The following FARP1 variants were observed in gnomAD, a reference collection of about 807,000 sequenced individuals.
The protein encoded by FARP1 is FERM, ARHGEF and pleckstrin domain-containing protein 1.
A neutral mutation model predicts 128.8 loss-of-function variants in FARP1; 52 were observed. That is an observed-to-expected ratio of 0.40 (90% CI 0.32 to 0.51). The LOEUF is 0.51. Ranked by LOEUF, FARP1 falls within the 20% of genes least tolerant of loss-of-function variation. FARP1 has a pLI of 0.45. For synonymous variants in FARP1, 580 were observed against 551.8 expected, an observed-to-expected ratio of 1.05 and a Z score of -0.72; for missense variants, 1,333 against 1,367.9, an observed-to-expected ratio of 0.97 and a Z score of 0.40.
At chr13:98,423,946 T>C (rs917448402) in intron 16 of FARP1, among the ~76,000 whole-genome samples, 4 of 152,192 alleles carry the variant, frequency 2.6e-5, no homozygotes, top group South Asian at 2.1e-4. Flanking sequence ...TGGGGGACCA[T>C]GGCCCTCCCC....
chr13:98,403,022 C>T (rs1890833809), intron 13 of FARP1: 1 of 151,276 alleles, frequency 6.6e-6, no homozygotes, highest in African/African-American at 2.4e-5. Flanking sequence ...TTTCAGCGTT[C>T]TGTCTTTACC....
At chr13:98,265,513 G>T (rs1409012264) in intron 2 of FARP1, among the ~76,000 whole-genome samples, 3 of 150,736 alleles carry the variant, frequency 2.0e-5, no homozygotes, top group African/African-American at 7.4e-5. Context: ...TAGAGACGGG[G>T]TTTCACCGTT....
chr13:98,425,855 C>T (rs1303665140), intron 17 of FARP1, among the ~76,000 whole-genome samples: 1 of 152,112 alleles, frequency 6.6e-6, no homozygotes, highest in African/African-American at 2.4e-5. Context: ...CATTTGAATC[C>T]ATTAATAATT....
chr13:98,228,299 G>C (rs1419826065), intron 2 of FARP1, among the ~76,000 whole-genome samples: 1 of 152,210 alleles, frequency 6.6e-6, no homozygotes, highest in African/African-American at 2.4e-5. Context: ...GGCGGAGGCT[G>C]CCGTGAGCCA....
chr13:98,444,285 A>G (rs1892683300), intron 24 of FARP1, among the ~76,000 whole-genome samples: 1 of 152,252 alleles, frequency 6.6e-6, no homozygotes, highest in East Asian at 1.9e-4. Context: ...CCCTGTGTCC[A>G]TGTGAGGTCA....
chr13:98,421,618 G>C (rs79124537), intron 16 of FARP1, among the ~76,000 whole-genome samples: 9,391 of 152,258 alleles, frequency 0.062, 693 homozygotes, highest in East Asian at 0.3. Context: ...AGCACTTTGA[G>C]AGACTGAGGC....
intron 13 of FARP1, chr13:98,407,590 T>TA (rs1373739247): frequency 6.6e-6 from 1 of 152,174 alleles, no homozygotes; most frequent in Non-Finnish European, 1.5e-5. Context: ...TGAGGTATAT[T>TA]AAAAAACATG....
intron 1 of FARP1, among the ~76,000 whole-genome samples, chr13:98,195,337 A>G (rs1184456969): frequency 6.6e-6 from 1 of 152,148 alleles, no homozygotes; most frequent in Non-Finnish European, 1.5e-5. Context: ...TTACATGGGA[A>G]CTGAGCATTT....
intron 3 of FARP1, among the ~76,000 whole-genome samples, chr13:98,344,531 AG>A (rs1452220930): frequency 6.6e-6 from 1 of 152,206 alleles, no homozygotes; most frequent in Non-Finnish European, 1.5e-5. Flanking sequence ...GACATCCAGC[AG>A]GCAGTGCCAG....
At position 98,390,954 on chromosome 13, in the gene FARP1, A is replaced by G. The variant is rs145054718; in HGVS notation, c.1088+74A>G. On this transcript the variant is annotated intron_variant, in intron 11 of 26. Transcript: ENST00000319562. ...CCAGGTAACAGTTTGTTGCTGCTAA[A>G]TATTTCTTTACCCAGACTTCAGACT... 269 of 1,014,342 alleles carry G rather than the reference A, an allele frequency of 2.7e-4. 1 individual carries two copies. The African/African-American group carries it at 3.8e-3, about 14-fold the overall frequency. The allele number at this position is 1,014,342 out of a possible 1,614,324, so 62.8% of individuals were successfully genotyped here.
At chr13:98,325,346 C>T (rs888987892) in intron 2 of FARP1, among the ~76,000 whole-genome samples, 19 of 152,160 alleles carry the variant, frequency 1.2e-4, no homozygotes, top group East Asian at 1.9e-4. Flanking sequence ...GTCTTTGTCA[C>T]GGCTCTCTAT....
intron 1 of FARP1, among the ~76,000 whole-genome samples, chr13:98,185,560 C>G (rs1400007217): frequency 1.3e-5 from 2 of 151,794 alleles, no homozygotes; most frequent in African/African-American, 4.8e-5. Context: ...GGGATGCTAC[C>G]TTTCTTGATA....
intron 2 of FARP1, among the ~76,000 whole-genome samples, chr13:98,305,934 T>G (rs1041582857): frequency 2.6e-5 from 4 of 152,134 alleles, no homozygotes; most frequent in Non-Finnish European, 5.9e-5. Context: ...TAAAATGTGA[T>G]TCTGGGCGAA....
At chr13:98,181,841 T>C (rs1344114211) in intron 1 of FARP1, among the ~76,000 whole-genome samples, 2 of 152,160 alleles carry the variant, frequency 1.3e-5, no homozygotes, top group East Asian at 3.9e-4. Flanking sequence ...CTTGCCATGG[T>C]CATGGGGTCT....
intron 1 of FARP1, among the ~76,000 whole-genome samples, chr13:98,173,511 GC>G (rs1263727874): frequency 3.3e-5 from 5 of 152,164 alleles, no homozygotes; most frequent in Non-Finnish European, 7.4e-5. Context: ...ATTTCAGAAG[GC>G]CTAACCAGAA....
At chr13:98,371,883 C>A (rs975228969) in intron 5 of FARP1, among the ~76,000 whole-genome samples, 5 of 152,070 alleles carry the variant, frequency 3.3e-5, no homozygotes, top group African/African-American at 9.7e-5. Flanking sequence ...TTCAGCTTCC[C>A]ATTGATATAG....
intron 16 of FARP1, among the ~76,000 whole-genome samples, chr13:98,416,997 C>A (rs1891398604): frequency 6.6e-6 from 1 of 152,148 alleles, no homozygotes; most frequent in Admixed American, 6.5e-5. Flanking sequence ...CTGGGAGGAC[C>A]AGACTGACTG....
chr13:98,313,444 G>A (rs1281852582), intron 2 of FARP1, among the ~76,000 whole-genome samples: 3 of 152,204 alleles, frequency 2.0e-5, no homozygotes, highest in East Asian at 1.9e-4. Context: ...GCTTGCCAGC[G>A]CCACCAGGAG....
intron 2 of FARP1, among the ~76,000 whole-genome samples, chr13:98,245,514 G>A (rs1234650651): frequency 1.3e-5 from 2 of 152,126 alleles, no homozygotes; most frequent in African/African-American, 2.4e-5. Context: ...TTGTGTAAAC[G>A]CAAAGCTTAA....
Sources: gnomAD v4.1 joint callset for allele counts (sites outside exome capture counted in the v4.1 genomes callset) on GRCh38, gnomAD v4.1.1 for gene constraint, MANE v1.5 for transcripts, NCBI Gene and HGNC (gene_info 2026-07-23, HGNC 2026-07-21) for gene names.